The following EPHB1 variants were observed in gnomAD, a reference collection of about 807,000 sequenced individuals.
The protein encoded by EPHB1 is EPH receptor B1.
A neutral mutation model predicts 94.4 loss-of-function variants in EPHB1; 30 were observed. The observed-to-expected ratio is 0.32, with a 90% CI of 0.24 to 0.43. EPHB1 has a LOEUF of 0.43. EPHB1 is among the 20% of genes least tolerant of loss of function. The pLI is 1.00. For missense variants in EPHB1, 1,055 were observed against 1,308.3 expected, an observed-to-expected ratio of 0.81 and a Z score of 2.99; for synonymous variants, 522 against 489.1, an observed-to-expected ratio of 1.07 and a Z score of -0.89.
intron 2 of EPHB1, among the ~76,000 whole-genome samples, chr3:134,934,900 G>C (rs2038972197): frequency 6.6e-6 from 1 of 152,166 alleles, no homozygotes; most frequent in Admixed American, 6.5e-5. Context: ...GAATTCCAGA[G>C]GTTACCTAAG....
At chr3:134,898,969 G>T (rs146261048) in intron 1 of EPHB1, among the ~76,000 whole-genome samples, 292 of 152,298 alleles carry the variant, frequency 1.9e-3, no homozygotes, top group Admixed American at 2.0e-3. Context: ...GGCAGGGAGT[G>T]GGGGTGGAGG....
intron 3 of EPHB1, among the ~76,000 whole-genome samples, chr3:135,086,972 A>C (rs780749974): frequency 1.3e-5 from 2 of 152,356 alleles, no homozygotes; most frequent in East Asian, 3.9e-4. Flanking sequence ...AAGTCACTCA[A>C]CTTCTGAATT....
chr3:134,975,361 C>A (rs1934143581), intron 3 of EPHB1, among the ~76,000 whole-genome samples: 1 of 151,996 alleles, frequency 6.6e-6, no homozygotes, highest in Non-Finnish European at 1.5e-5. Context: ...CTGGGTAAGG[C>A]TAAAGAGCAT....
chr3:135,014,986 T>C (rs1157279911), intron 3 of EPHB1, among the ~76,000 whole-genome samples: 2 of 152,170 alleles, frequency 1.3e-5, no homozygotes, highest in Non-Finnish European at 2.9e-5. Context: ...CCCCTGTCTT[T>C]AGGAACAAAA....
At chr3:134,878,439 G>T (rs1449830807) in intron 1 of EPHB1, among the ~76,000 whole-genome samples, 1 of 152,178 alleles carries the variant, frequency 6.6e-6, no homozygotes, top group Non-Finnish European at 1.5e-5. Flanking sequence ...ATTGATAGAG[G>T]AGACTGGCTG....
intron 3 of EPHB1, among the ~76,000 whole-genome samples, chr3:134,959,034 A>G (rs1933397238): frequency 6.6e-6 from 1 of 152,226 alleles, no homozygotes; most frequent in Admixed American, 6.5e-5. Context: ...CGTCCCATGC[A>G]TGAGAGCTGC....
intron 1 of EPHB1, among the ~76,000 whole-genome samples, chr3:134,905,815 C>T (rs1209256058): frequency 2.0e-5 from 3 of 152,202 alleles, no homozygotes; most frequent in Admixed American, 6.5e-5. Flanking sequence ...CTTGCCGTTT[C>T]CCCATGATTC....
chr3:135,255,223 T>C lies in EPHB1; in HGVS notation c.2847-3789T>C, dbSNP rs567169672. 6.6e-3 allele frequency among the ~76,000 whole-genome samples: 1,000 copies of C among 152,206 alleles called. 11 individuals are homozygous for C. The highest frequency in any genetic ancestry group is 0.023 in the African/African-American group (956 of 41,530). ...ATGTCTCTATTTCCTTCAGTTCTGC[T>C]CTGATTTTAGTTATTTCTTGCCTTC... On this transcript the variant is annotated intron_variant, in intron 15 of 15. Transcript: ENST00000398015.
chr3:135,005,632 C>T (rs1416076095), intron 3 of EPHB1, among the ~76,000 whole-genome samples: 79 of 152,328 alleles, frequency 5.2e-4, no homozygotes, highest in African/African-American at 5.5e-4. Context: ...TAGGACCCTC[C>T]GAGCCAGGTG....
chr3:135,231,680 T>C (rs1251448730), intron 12 of EPHB1, among the ~76,000 whole-genome samples: 1 of 152,236 alleles, frequency 6.6e-6, no homozygotes, highest in Non-Finnish European at 1.5e-5. Flanking sequence ...GAGCAGCTAA[T>C]GCTTCAAGAA....
chr3:135,243,172 T>TA (rs1441620381), intron 13 of EPHB1, among the ~76,000 whole-genome samples: 1 of 152,062 alleles, frequency 6.6e-6, no homozygotes, highest in Non-Finnish European at 1.5e-5. Flanking sequence ...ATTCAGCACT[T>TA]ACAGAATGAA....
intron 1 of EPHB1, among the ~76,000 whole-genome samples, chr3:134,850,683 G>A (rs552057620): frequency 2.6e-5 from 4 of 152,348 alleles, no homozygotes; most frequent in Admixed American, 1.3e-4. Context: ...GCCAGCCCCA[G>A]AAGGCTTTGG....
intron 7 of EPHB1, among the ~76,000 whole-genome samples, chr3:135,163,270 AAG>A (rs1438757025): frequency 2.0e-5 from 3 of 152,194 alleles, no homozygotes; most frequent in Non-Finnish European, 4.4e-5. Context: ...AAAAAATTGT[AAG>A]AGAAGCCAAT....
chr3:134,836,665 T>C (rs569819296), intron 1 of EPHB1, among the ~76,000 whole-genome samples: 5 of 152,364 alleles, frequency 3.3e-5, no homozygotes, highest in African/African-American at 7.2e-5. Context: ...TTTTAACAAA[T>C]GCACTGTTAG....
chr3:135,134,871 T>C (rs1260705477), intron 5 of EPHB1, among the ~76,000 whole-genome samples: 2 of 152,164 alleles, frequency 1.3e-5, no homozygotes, highest in Non-Finnish European at 1.5e-5. Context: ...CTGCCACTTA[T>C]ATCGGTTTGC....
chr3:134,886,704 A>C (rs983508890), intron 1 of EPHB1, among the ~76,000 whole-genome samples: 2 of 152,262 alleles, frequency 1.3e-5, no homozygotes, highest in Middle Eastern at 3.4e-3. Context: ...GAAGTGTGCA[A>C]ACCTTTTGCA....
At chr3:134,821,440 T>TAA (rs11449440) in intron 1 of EPHB1, among the ~76,000 whole-genome samples, 50 of 142,246 alleles carry the variant, frequency 3.5e-4, no homozygotes, top group African/African-American at 9.5e-4. Context: ...AGTAAAATGG[T>TAA]AAAAAAAAAA....
chr3:135,005,466 TGAGCTGTGGTGGGCTCCACCCAGTTA>T (rs1935364128), intron 3 of EPHB1, among the ~76,000 whole-genome samples: 1 of 152,366 alleles, frequency 6.6e-6, no homozygotes, highest in African/African-American at 2.4e-5. Context: ...CAGGCCTCCT[TGAGCTGTGGTGGGCTCCACCCAGTTA>T]GAGCTTCCTG....
At chr3:134,977,346 G>A (rs1047831866) in intron 3 of EPHB1, among the ~76,000 whole-genome samples, 3 of 152,214 alleles carry the variant, frequency 2.0e-5, no homozygotes, top group Non-Finnish European at 2.9e-5. Flanking sequence ...CACGAAGAAT[G>A]GACTCCTGCA....
Sources: allele counts gnomAD v4.1 joint callset (sites outside exome capture counted in the v4.1 genomes callset), GRCh38; gene constraint gnomAD v4.1.1; transcripts MANE v1.5; gene names NCBI Gene and HGNC (gene_info 2026-07-23, HGNC 2026-07-21).